RASGRF2: variants seen among roughly 807,000 people sequenced by gnomAD.
RASGRF2 encodes the protein ras-specific guanine nucleotide-releasing factor 2.
RASGRF2 carries 76 observed loss-of-function variants against 151.0 expected under a neutral mutation model. The observed-to-expected ratio is 0.50, with a 90% CI of 0.42 to 0.61. The LOEUF is 0.61. RASGRF2 is among the 20% of genes least tolerant of loss of function. The pLI, the probability that RASGRF2 is intolerant of heterozygous loss-of-function variation, is 0.00. For missense variants in RASGRF2, 1,148 were observed against 1,564.6 expected (o/e 0.73, Z 4.49); for synonymous variants, 504 against 566.5 (o/e 0.89, Z 1.57).
At chr5:81,212,970 G>A (rs1285149872) in intron 23 of RASGRF2, among the ~76,000 whole-genome samples, 1 of 152,192 alleles carries the variant, frequency 6.6e-6, no homozygotes, top group Non-Finnish European at 1.5e-5. Context: ...GCTCATTCCT[G>A]TAGTAGATGT....
At chr5:81,126,657 A>T (rs1753463148) in intron 16 of RASGRF2, among the ~76,000 whole-genome samples, 1 of 152,194 alleles carries the variant, frequency 6.6e-6, no homozygotes, top group Admixed American at 6.5e-5. Flanking sequence ...GGAATCATAT[A>T]ATATGTGACC....
chr5:81,059,383 C>CAAAA (rs35051372), intron 2 of RASGRF2, among the ~76,000 whole-genome samples: 1 of 89,686 alleles, frequency 1.1e-5, no homozygotes, highest in Non-Finnish European at 2.2e-5. Flanking sequence ...GACTCCGCCT[C>CAAAA]AAAAAAAAAA....
intron 26 of RASGRF2, chr5:81,223,502 G>C (rs534456527): frequency 6.6e-6 from 1 of 152,148 alleles, no homozygotes; most frequent in Non-Finnish European, 1.5e-5. Flanking sequence ...TTAGCCGGGC[G>C]TGGTGGCTGG....
chr5:80,967,081 AG>A (rs1208223015), intron 1 of RASGRF2, among the ~76,000 whole-genome samples: 3 of 152,210 alleles, frequency 2.0e-5, no homozygotes, highest in Non-Finnish European at 4.4e-5. Context: ...ATGTAAAAAA[AG>A]CAATCCTTAA....
chr5:81,131,336 GGA>G, intron 17 of RASGRF2, among the ~76,000 whole-genome samples: 4 of 152,028 alleles, frequency 2.6e-5, no homozygotes, highest in Admixed American at 2.6e-4. Context: ...CACATAGACT[GGA>G]AAAGCCTGGT....
At chr5:81,051,612 A>G (rs1343274418) in intron 2 of RASGRF2, among the ~76,000 whole-genome samples, 1 of 152,226 alleles carries the variant, frequency 6.6e-6, no homozygotes, top group African/African-American at 2.4e-5. Context: ...TTCACTTAGC[A>G]TAATGTTTCC....
At chr5:81,005,055 C>T (rs1049219254) in intron 1 of RASGRF2, among the ~76,000 whole-genome samples, 6 of 152,190 alleles carry the variant, frequency 3.9e-5, no homozygotes, top group South Asian at 4.1e-4. Context: ...CAACCCCTAA[C>T]GTACTTGTTC....
intron 13 of RASGRF2, among the ~76,000 whole-genome samples, chr5:81,112,356 T>C (rs1753019826): frequency 6.6e-6 from 1 of 152,230 alleles, no homozygotes; most frequent in Non-Finnish European, 1.5e-5. Flanking sequence ...TACAGGAGGA[T>C]GTGCATAGGT....
At chr5:81,178,399 TATTTATTTATTTTTTGGACAC>T in intron 17 of RASGRF2, among the ~76,000 whole-genome samples, 1 of 152,362 alleles carries the variant, frequency 6.6e-6, no homozygotes, top group Non-Finnish European at 1.5e-5. Flanking sequence ...ATTGGTTATT[TATTTATTTATTTTTTGGACAC>T]ATCAAGTTTG....
In RASGRF2 at chr5:81,003,384, A is replaced by G. The variant is rs556555799; in HGVS notation, c.289-39493A>G. Reference sequence around the variant, plus strand: ...ACTACAGGTGCCCACCACCACGCCCACCTAATTTTTTTGTATTTTTAGTAG... The same window carrying G: ...ACTACAGGTGCCCACCACCACGCCCGCCTAATTTTTTTGTATTTTTAGTAG... On this transcript the variant is annotated intron_variant, in intron 1 of 26. Transcript: ENST00000265080. 1.7e-3 allele frequency among the ~76,000 whole-genome samples: 262 copies of G among 152,054 alleles called. 1 individual carries two copies. The highest frequency in any genetic ancestry group is 3.4e-3 in the Middle Eastern group (1 of 294).
Position 81,152,003 on chromosome 5 carries a change from TG to T in RASGRF2, c.2686+24841del, listed in dbSNP as rs201237160. Among the ~76,000 whole-genome samples the T allele has an allele frequency of 6.6e-5, 10 of 151,700 alleles. No homozygotes were observed. The East Asian group carries it at 1.6e-3, about 24-fold the overall frequency. ...TTAAATCTATGGAAGAGAGATTTTT[TG>T]TTTGTTTGTTTGTTTGAGATGGAGT... On this transcript the variant is annotated intron_variant, in intron 17 of 26. Coordinates refer to ENST00000265080, the MANE Select transcript of RASGRF2 (RefSeq NM_006909.3).
intron 1 of RASGRF2, among the ~76,000 whole-genome samples, chr5:80,968,484 C>T (rs1277819884): frequency 6.6e-6 from 1 of 152,032 alleles, no homozygotes; most frequent in Non-Finnish European, 1.5e-5. Context: ...GGATATAGCT[C>T]TGAAAAGGAC....
intron 1 of RASGRF2, among the ~76,000 whole-genome samples, chr5:80,984,009 A>T (rs1748397368): frequency 6.6e-6 from 1 of 152,058 alleles, no homozygotes; most frequent in African/African-American, 2.4e-5. Flanking sequence ...TTGTCTACAG[A>T]CTTCTGTTTT....
At chr5:81,105,846 G>T (rs1752831735) in intron 12 of RASGRF2, among the ~76,000 whole-genome samples, 1 of 152,208 alleles carries the variant, frequency 6.6e-6, no homozygotes, top group African/African-American at 2.4e-5. Flanking sequence ...CAGGGATGAT[G>T]TTAATCTGTT....
intron 15 of RASGRF2, among the ~76,000 whole-genome samples, chr5:81,115,401 C>T (rs1027137591): frequency 2.6e-5 from 4 of 152,132 alleles, no homozygotes; most frequent in Middle Eastern, 3.2e-3. Flanking sequence ...AATGAGGCAG[C>T]GCACAAGCTG....
chr5:81,032,210 T>C (rs1304730640), intron 1 of RASGRF2, among the ~76,000 whole-genome samples: 1 of 152,212 alleles, frequency 6.6e-6, no homozygotes, highest in Admixed American at 6.5e-5. Flanking sequence ...AGCCGAATTC[T>C]ACCAGAGGTA....
chr5:81,077,764 G>A (rs1051552535), intron 5 of RASGRF2, among the ~76,000 whole-genome samples: 1 of 152,194 alleles, frequency 6.6e-6, no homozygotes, highest in Non-Finnish European at 1.5e-5. Context: ...ACTGGAGAGG[G>A]TGGGTATTGA....
intron 12 of RASGRF2, among the ~76,000 whole-genome samples, chr5:81,104,775 A>G (rs1183389498): frequency 1.3e-5 from 2 of 152,214 alleles, no homozygotes; most frequent in Non-Finnish European, 2.9e-5. Context: ...CAGAAGAGAC[A>G]CACAGCTAAA....
chr5:81,208,220 C>A, intron 21 of RASGRF2, 134 bp from the exon 22 acceptor site: 7 of 633,312 alleles, frequency 1.1e-5, no homozygotes, highest in African/African-American at 1.8e-5. Context: ...GTGAGGCTGG[C>A]AGCAGCAGGT....
Sources: allele counts gnomAD v4.1 joint callset (sites outside exome capture counted in the v4.1 genomes callset), GRCh38; gene constraint gnomAD v4.1.1; transcripts MANE v1.5; gene names NCBI Gene and HGNC (gene_info 2026-07-23, HGNC 2026-07-21).